PTPRS: variants seen among roughly 807,000 people sequenced by gnomAD.
The protein encoded by PTPRS is receptor-type tyrosine-protein phosphatase S.
PTPRS carries 63 observed loss-of-function variants against 215.3 expected under a neutral mutation model. That is an observed-to-expected ratio of 0.29 (90% CI 0.24 to 0.36). The LOEUF (loss-of-function observed/expected upper bound fraction) is 0.36. PTPRS is among the 10% of genes least tolerant of loss of function. The probability of loss-of-function intolerance (pLI) is 1.00; values close to 1 mark genes in which losing one functional copy is unlikely to be tolerated. For missense variants in PTPRS, 2,258 were observed against 2,825.8 expected (o/e 0.80, Z 4.56); for synonymous variants, 1,404 against 1,191.4 (o/e 1.18, Z -3.68).
chr19:5,265,118 G>T lies in PTPRS; in HGVS notation c.458C>A (p.Thr153Asn). The T allele has an allele frequency of 2.5e-6, 4 of 1,614,200 alleles. No homozygotes were observed. The South Asian group carries it at 4.4e-5, about 18-fold the overall frequency. ...LKVVERTRTA[T>N]MLCAASGNPD... ...GTTGCCGCTGGCTGCACAGAGCATG[G>T]TGGCTGTCCGTGTCCGCTCCACCAC... The change falls in exon 5 of 38, where the codon ACC becomes AAC. Residue 153 changes from threonine to asparagine, a missense_variant. By Grantham distance (65) the Thr-to-Asn change is moderately conservative. Transcript: ENST00000262963.
chr19:5,305,556 C>G (rs370036590), intron 1 of PTPRS, among the ~76,000 whole-genome samples: 15 of 140,964 alleles, frequency 1.1e-4, no homozygotes, highest in African/African-American at 3.9e-4. Context: ...CTCAGACAAA[C>G]AAACAAAAAA....
At chr19:5,313,343 A>C (rs534397525) in intron 1 of PTPRS, among the ~76,000 whole-genome samples, 1 of 152,344 alleles carries the variant, frequency 6.6e-6, no homozygotes, top group African/African-American at 2.4e-5. Context: ...GGGTGTACCC[A>C]GGAGGAGATG....
chr19:5,253,315 T>A (rs1040512366), intron 9 of PTPRS, among the ~76,000 whole-genome samples: 1 of 152,182 alleles, frequency 6.6e-6, no homozygotes, highest in Non-Finnish European at 1.5e-5. Context: ...CAGCCAAAGC[T>A]GGAGATCTGT....
intron 1 of PTPRS, among the ~76,000 whole-genome samples, chr19:5,322,217 G>A (rs141539390): frequency 1.8e-4 from 27 of 152,312 alleles, no homozygotes; most frequent in Admixed American, 1.0e-3. Flanking sequence ...ACACCCTCGC[G>A]GCCGTGCCTT....
chr19:5,229,673 G>A lies in PTPRS; in HGVS notation c.2167C>T (p.Pro723Ser). 1 of 1,269,734 alleles carries A rather than the reference G, an allele frequency of 7.9e-7. No individual in the cohort carries two copies. The highest frequency in any genetic ancestry group is 9.9e-7 in the Non-Finnish European group (1 of 1,012,212). The allele number at this position is 1,269,734 out of a possible 1,614,324, so 78.7% of individuals were successfully genotyped here. Residue 723 changes from proline (P) to serine (S), a missense_variant, in exon 15 of 38, where the codon CCG (proline) becomes TCG (serine). By Grantham distance (74) the Pro-to-Ser change is moderately conservative (BLOSUM62 -1). Around this residue, in one of 6 missense-constraint regions of PTPRS, gnomAD observed 371 missense variants for 446.7 expected, o/e 0.83. Coordinates refer to ENST00000262963, the MANE Select transcript of PTPRS (RefSeq NM_002850.4). ...GCCTCCGCCTCCACCTTCCGCGGCG[G>A]CGCGCTGGGCACTGGCGGGCGGGAG... ...VRTDEDVPSA[P>S]PRKVEAEALN...
At chr19:5,319,998 G>C (rs2049981797) in intron 1 of PTPRS, among the ~76,000 whole-genome samples, 1 of 152,066 alleles carries the variant, frequency 6.6e-6, no homozygotes, top group Non-Finnish European at 1.5e-5. Flanking sequence ...ATTGCTTCAG[G>C]GTCCCGGCAC....
intron 1 of PTPRS, among the ~76,000 whole-genome samples, chr19:5,297,519 G>A (rs2049172134): frequency 6.6e-6 from 1 of 152,128 alleles, no homozygotes. Context: ...AGGGGGGATG[G>A]ACACCCACAG....
chr19:5,223,169 A>G lies in PTPRS; in HGVS notation c.2623T>C (p.Ser875Pro). ...AACTCCAGGGTGGCCAGGGGCGTCG[A>G]GTCCTCACGGCCAAACTGCAGGCGG... ...GYRLQFGRED[S>P]TPLATLEFPP... The change falls in exon 18 of 38, where the codon TCG (serine) becomes CCG (proline). Residue 875 changes from serine (S) to proline (P), a missense_variant. Coordinates refer to ENST00000262963, the MANE Select transcript of PTPRS (RefSeq NM_002850.4). 6.4e-7 allele frequency: 1 copy of G among 1,566,740 alleles called. No individual in the cohort carries two copies.
At chr19:5,216,846 A>C (rs2041517140) in intron 25 of PTPRS, 79 bp from the exon 26 acceptor site, 1 of 951,616 alleles carries the variant, frequency 1.1e-6, no homozygotes, top group African/African-American at 1.6e-5. Context: ...CCCACCCCTC[A>C]CTGGCTGGCG....
intron 1 of PTPRS, among the ~76,000 whole-genome samples, chr19:5,307,142 T>TAAAAATACAA (rs2049524076): frequency 6.6e-6 from 1 of 151,996 alleles, no homozygotes; most frequent in Non-Finnish European, 1.5e-5. Flanking sequence ...CTGTCTCTAC[T>TAAAAATACAA]AAAAATACAA....
chr19:5,332,408 G>A (rs982879348), intron 1 of PTPRS, among the ~76,000 whole-genome samples: 10 of 152,294 alleles, frequency 6.6e-5, no homozygotes, highest in African/African-American at 2.2e-4. Context: ...GATTACAGGC[G>A]TGAGCCATCA....
intron 19 of PTPRS, among the ~76,000 whole-genome samples, chr19:5,221,892 C>T (rs1042458262): frequency 3.3e-5 from 5 of 152,180 alleles, no homozygotes; most frequent in Admixed American, 6.5e-5. Flanking sequence ...AGGCTGAGCC[C>T]AACATTGATC....
At chr19:5,324,821 G>A (rs2050128058) in intron 1 of PTPRS, among the ~76,000 whole-genome samples, 1 of 152,166 alleles carries the variant, frequency 6.6e-6, no homozygotes, top group African/African-American at 2.4e-5. Context: ...CACCCATCAT[G>A]CTTGGTCGTT....
intron 4 of PTPRS, among the ~76,000 whole-genome samples, chr19:5,267,486 G>T (rs1343250470): frequency 6.6e-6 from 1 of 151,892 alleles, no homozygotes; most frequent in African/African-American, 2.4e-5. Flanking sequence ...GTGAAACCCC[G>T]TCTCTACTAA....
chr19:5,208,646 C>A (rs1243397207), intron 35 of PTPRS, among the ~76,000 whole-genome samples: 1 of 152,114 alleles, frequency 6.6e-6, no homozygotes, highest in Admixed American at 6.5e-5. Context: ...CCAGGCCCGG[C>A]CCTCACCCCC....
At chr19:5,209,952 T>C (rs1009115530) in intron 35 of PTPRS, among the ~76,000 whole-genome samples, 1 of 152,182 alleles carries the variant, frequency 6.6e-6, no homozygotes, top group Non-Finnish European at 1.5e-5. Context: ...CTTTGATCCT[T>C]TGTCACCCAA....
intron 19 of PTPRS, 35 bp from the exon 20 acceptor site, chr19:5,221,288 G>T: frequency 6.3e-7 from 1 of 1,589,744 alleles, no homozygotes; most frequent in Non-Finnish European, 8.6e-7. Context: ...GGGCCTGGTG[G>T]GCTCATGCCC....
intron 7 of PTPRS, among the ~76,000 whole-genome samples, chr19:5,260,601 G>A (rs1230591984): frequency 6.6e-6 from 1 of 152,208 alleles, no homozygotes; most frequent in African/African-American, 2.4e-5. Context: ...CAGGTGACCT[G>A]AGGAGTCACC....
At chr19:5,248,338 C>T (rs2044693554) in intron 9 of PTPRS, among the ~76,000 whole-genome samples, 1 of 151,094 alleles carries the variant, frequency 6.6e-6, no homozygotes. Flanking sequence ...AAAAAACAAA[C>T]AAACGAAAAA....
Sources: gnomAD v4.1 joint callset for allele counts (sites outside exome capture counted in the v4.1 genomes callset) on GRCh38, gnomAD v4.1.1 for gene constraint, gnomAD v4.1.1 regional missense constraint, MANE v1.5 for transcripts, NCBI Gene and HGNC (gene_info 2026-07-23, HGNC 2026-07-21) for gene names.